Variants in FAM163A observed in about 807,000 individuals in gnomAD.
FAM163A encodes protein FAM163A.
Under a neutral mutation model 12.0 loss-of-function variants are expected in FAM163A, and 7 were observed. The ratio of observed to expected loss-of-function variants is 0.58; its 90% confidence interval spans 0.33 to 1.10. The LOEUF is 1.10. Among genes scored for constraint, FAM163A ranks in the 50% least tolerant of loss-of-function variants. The pLI, the probability that FAM163A is intolerant of heterozygous loss-of-function variation, is 0.03. For missense variants in FAM163A, 202 were observed against 218.6 expected (o/e 0.92, Z 0.48); for synonymous variants, 101 against 91.0 (o/e 1.11, Z -0.62).
At position 179,758,651 on chromosome 1, in the gene FAM163A, C is replaced by T. The variant is rs546195542; in HGVS notation, c.-136+15228C>T. On this transcript the variant is annotated intron_variant, in intron 1 of 4. Coordinates refer to ENST00000341785, the MANE Select transcript of FAM163A (RefSeq NM_173509.3). ...CTAGCTGCTTCATTAGTGTTCCTGT[C>T]CCTCTGTTCCTCCGTCCAGGACTGA... is the stretch of plus-strand genomic sequence containing the variant. 1.1e-4 allele frequency among the ~76,000 whole-genome samples: 16 copies of T among 152,356 alleles called. No individual in the cohort carries two copies. In the South Asian group the frequency reaches 3.3e-3, roughly 32 times the overall value.
chr1:179,782,188 T>C lies in FAM163A; in HGVS notation c.-135-25610T>C, dbSNP rs562943202. ...GACAAGGACCAGGCCTCTGTGCGCA[T>C]GGATATAATCAGCTTTGATAGGCAG... On this transcript the variant is annotated intron_variant, in intron 1 of 4. Coordinates refer to ENST00000341785, the MANE Select transcript of FAM163A (RefSeq NM_173509.3). 9.2e-5 allele frequency among the ~76,000 whole-genome samples: 14 copies of C among 152,204 alleles called. No individual in the cohort carries two copies. The East Asian group carries it at 2.3e-3, about 25-fold the overall frequency.
intron 4 of FAM163A, 118 bp from the exon 5 acceptor site, chr1:179,813,661 A>G: frequency 8.5e-7 from 1 of 1,180,614 alleles, no homozygotes; most frequent in Non-Finnish European, 1.2e-6. Flanking sequence ...CCTGGGGTTC[A>G]GTGCCTGGCA....
At chr1:179,789,388 G>C (rs1484733181) in intron 1 of FAM163A, among the ~76,000 whole-genome samples, 1 of 152,168 alleles carries the variant, frequency 6.6e-6, no homozygotes, top group Non-Finnish European at 1.5e-5. Context: ...CACCTTGTTG[G>C]CCAGGTTGGT....
rs534314495 is a variant in FAM163A at position 179,760,378 on chromosome 1, A to G, written c.-136+16955A>G. Among the ~76,000 whole-genome samples the G allele has an allele frequency of 7.9e-5, 12 of 152,334 alleles. 1 individual carries two copies. In the South Asian group the frequency reaches 2.5e-3, roughly 32 times the overall value. On this transcript the variant is annotated intron_variant, in intron 1 of 4. Coordinates refer to ENST00000341785, the MANE Select transcript of FAM163A (RefSeq NM_173509.3). The stretch of plus-strand genomic sequence containing the variant: ...AGACAGACACAAATGATAACCAAGT[A>G]TAGAGGTGCCGTGATTCTATACGCA...
At chr1:179,753,865 T>G (rs778271843) in intron 1 of FAM163A, among the ~76,000 whole-genome samples, 9 of 152,170 alleles carry the variant, frequency 5.9e-5, no homozygotes, top group Non-Finnish European at 1.2e-4. Context: ...TGTGTGATAT[T>G]GAGCCCATTT....
chr1:179,813,154 C>G lies in FAM163A; in HGVS notation c.57C>G (p.Leu19=), dbSNP rs1438584089. 2 of 1,551,962 alleles carry G rather than the reference C, an allele frequency of 1.3e-6. No individual in the cohort carries two copies. The highest frequency in any genetic ancestry group is 3.9e-5 in the Admixed American group (2 of 51,008). Residue 19 remains leucine, a synonymous_variant, in exon 4 of 5, where the codon CTC becomes CTG. Coordinates refer to ENST00000341785, the MANE Select transcript of FAM163A (RefSeq NM_173509.3). ...TGGILATVIL[L]CIIAVLCYCR... The stretch of plus-strand genomic sequence containing the variant: ...GAATCCTAGCTACGGTGATCCTCCT[C>G]TGCATCATTGCCGTCCTGTGCTACT...
intron 1 of FAM163A, among the ~76,000 whole-genome samples, chr1:179,766,298 C>T (rs1033646097): frequency 2.6e-5 from 4 of 152,156 alleles, no homozygotes; most frequent in African/African-American, 7.2e-5. Flanking sequence ...TCTGACCCAC[C>T]TTGTTTGACT....
At chr1:179,771,392 G>A (rs1688266837) in intron 1 of FAM163A, among the ~76,000 whole-genome samples, 1 of 152,186 alleles carries the variant, frequency 6.6e-6, no homozygotes, top group Admixed American at 6.5e-5. Context: ...CGCCCTGTGA[G>A]AGCTGCTGTC....
the FAM163A span, chr1:179,730,205 T>A: frequency 6.6e-6 from 1 of 152,242 alleles, no homozygotes; most frequent in African/African-American, 2.4e-5. Context: ...GGGGAAGCCA[T>A]CCGAATGCCA....
chr1:179,765,508 G>A (rs540397206), intron 1 of FAM163A, among the ~76,000 whole-genome samples: 1 of 152,268 alleles, frequency 6.6e-6, no homozygotes, highest in African/African-American at 2.4e-5. Flanking sequence ...AATTAGTGCT[G>A]GGGACAGGGG....
intron 1 of FAM163A, among the ~76,000 whole-genome samples, chr1:179,801,162 C>A (rs569549988): frequency 6.6e-6 from 1 of 152,288 alleles, no homozygotes; most frequent in South Asian, 2.1e-4. Flanking sequence ...AGAAAAATAT[C>A]ACTCACATTG....
At chr1:179,734,623 G>A in the FAM163A span, among the ~76,000 whole-genome samples, 4 of 152,204 alleles carry the variant, frequency 2.6e-5, no homozygotes, top group Admixed American at 6.5e-5. Context: ...TGAGCTCCTC[G>A]GGGGTCTCTA....
chr1:179,757,980 T>C (rs898141020), intron 1 of FAM163A, among the ~76,000 whole-genome samples: 2 of 152,170 alleles, frequency 1.3e-5, no homozygotes, highest in Admixed American at 6.6e-5. Context: ...TTGACAGAAA[T>C]GGGAATTGTT....
chr1:179,773,010 C>T (rs976932765), intron 1 of FAM163A, among the ~76,000 whole-genome samples: 11 of 148,520 alleles, frequency 7.4e-5, no homozygotes, highest in African/African-American at 2.5e-4. Context: ...TCTAGTTCAT[C>T]AGAATTTGGT....
At chr1:179,760,607 A>G (rs529483692) in intron 1 of FAM163A, among the ~76,000 whole-genome samples, 30 of 152,356 alleles carry the variant, frequency 2.0e-4, no homozygotes, top group Middle Eastern at 6.8e-3. Context: ...CATCAAGTCC[A>G]GAGACAGGTG....
intron 1 of FAM163A, among the ~76,000 whole-genome samples, chr1:179,747,838 C>T (rs1684712614): frequency 1.3e-5 from 2 of 151,724 alleles, no homozygotes; most frequent in Non-Finnish European, 2.9e-5. Flanking sequence ...AGAAACAAAG[C>T]AGTCAGTGTT....
intron 1 of FAM163A, among the ~76,000 whole-genome samples, chr1:179,777,249 C>G (rs1266387075): frequency 1.3e-5 from 2 of 152,110 alleles, no homozygotes; most frequent in East Asian, 3.8e-4. Flanking sequence ...TAAATTTTTG[C>G]CCAAAAACTT....
upstream of FAM163A, among the ~76,000 whole-genome samples, chr1:179,739,590 T>C (rs183700420): frequency 1.8e-4 from 27 of 152,316 alleles, no homozygotes; most frequent in Non-Finnish European, 3.5e-4. Flanking sequence ...ATATTTTATA[T>C]GTGGCCCAAG....
chr1:179,810,803 C>A (rs910353944), intron 2 of FAM163A, among the ~76,000 whole-genome samples: 1 of 152,082 alleles, frequency 6.6e-6, no homozygotes, highest in African/African-American at 2.4e-5. Flanking sequence ...GAGGCCAAGG[C>A]GGGTGGATCA....
Sources: allele counts gnomAD v4.1 joint callset (sites outside exome capture counted in the v4.1 genomes callset), GRCh38; gene constraint gnomAD v4.1.1; transcripts MANE v1.5; gene names NCBI Gene and HGNC (gene_info 2026-07-23, HGNC 2026-07-21).